PPP2R2B: variants seen among roughly 807,000 people sequenced by gnomAD.
The protein encoded by PPP2R2B is serine/threonine-protein phosphatase 2A 55 kDa regulatory subunit B beta isoform.
In PPP2R2B, 5 loss-of-function variants were observed where a neutral mutation model predicts 46.0. The observed-to-expected ratio is 0.11, with a 90% CI of 0.06 to 0.23. PPP2R2B has a LOEUF of 0.23. Ranked by LOEUF, PPP2R2B falls within the 10% of genes least tolerant of loss-of-function variation. PPP2R2B has a pLI of 1.00. For missense variants in PPP2R2B, 367 were observed against 575.0 expected (o/e 0.64, Z 3.70); for synonymous variants, 215 against 206.7 (o/e 1.04, Z -0.34).
At chr5:146,880,064 T>C (rs1762112555), upstream of PPP2R2B, among the ~76,000 whole-genome samples, 1 of 152,210 alleles carries the variant, frequency 6.6e-6, no homozygotes. Flanking sequence ...TGTCATTAGA[T>C]TTCCATGCAG....
intron 1 of PPP2R2B, among the ~76,000 whole-genome samples, chr5:146,914,036 T>C (rs968857798): frequency 6.6e-6 from 1 of 152,176 alleles, no homozygotes; most frequent in Non-Finnish European, 1.5e-5. Context: ...ACTATGTATA[T>C]ATGAAATCAC....
At chr5:146,633,501 A>G (rs952549568) in intron 7 of PPP2R2B, among the ~76,000 whole-genome samples, 6 of 152,268 alleles carry the variant, frequency 3.9e-5, no homozygotes, top group African/African-American at 1.4e-4. Context: ...TCGTAGCCGC[A>G]GCAGCTGAAC....
intron 7 of PPP2R2B, 69 bp downstream of exon 7, chr5:146,638,182 T>G (rs1157730222): frequency 6.6e-7 from 1 of 1,512,974 alleles, no homozygotes; most frequent in East Asian, 2.3e-5. Context: ...GATCATAAGC[T>G]TCCAGGCTCT....
intron 1 of PPP2R2B, among the ~76,000 whole-genome samples, chr5:146,884,637 A>G (rs1429692076): frequency 2.0e-5 from 3 of 152,192 alleles, no homozygotes; most frequent in African/African-American, 7.2e-5. Flanking sequence ...TACAAAACTC[A>G]AGAGTCTAGA....
chr5:146,644,261 A>AAAAAAG (rs1554118466), intron 6 of PPP2R2B, among the ~76,000 whole-genome samples: 6 of 76,098 alleles, frequency 7.9e-5, no homozygotes, highest in African/African-American at 2.3e-4. Flanking sequence ...AAAAAAAAAA[A>AAAAAAG]AAGAAGAAGA....
intron 1 of PPP2R2B, among the ~76,000 whole-genome samples, chr5:146,953,298 T>C (rs1464609204): frequency 1.3e-5 from 2 of 152,212 alleles, no homozygotes; most frequent in African/African-American, 4.8e-5. Flanking sequence ...GACATATTTA[T>C]ATTTGCAATT....
At chr5:146,740,711 T>G (rs1472576288) in intron 2 of PPP2R2B, among the ~76,000 whole-genome samples, 1 of 152,070 alleles carries the variant, frequency 6.6e-6, no homozygotes, top group African/African-American at 2.4e-5. Flanking sequence ...TCACACTGTC[T>G]GATTATTTTT....
chr5:146,843,313 T>C (rs1177010142), intron 2 of PPP2R2B, among the ~76,000 whole-genome samples: 1 of 152,232 alleles, frequency 6.6e-6, no homozygotes, highest in East Asian at 1.9e-4. Context: ...CTGAGCACTA[T>C]ACAAGGTGAA....
chr5:146,894,035 G>A (rs566704667), intron 1 of PPP2R2B, among the ~76,000 whole-genome samples: 1 of 152,258 alleles, frequency 6.6e-6, no homozygotes, highest in East Asian at 1.9e-4. Context: ...AATAGAGTGA[G>A]ACTCAGTCTC....
intron 1 of PPP2R2B, among the ~76,000 whole-genome samples, chr5:147,000,709 A>T (rs1348628219): frequency 4.9e-5 from 6 of 123,340 alleles, no homozygotes; most frequent in African/African-American, 2.1e-4. Context: ...CCAACCTAAT[A>T]CTTACTGATC....
chr5:147,029,791 G>A (rs1222214489), intron 1 of PPP2R2B, among the ~76,000 whole-genome samples: 1 of 152,188 alleles, frequency 6.6e-6, no homozygotes, highest in Admixed American at 6.5e-5. Flanking sequence ...GAAGCTGTCT[G>A]CAAGCCAAGA....
intron 2 of PPP2R2B, 71 bp from the exon 3 acceptor site, chr5:146,701,213 C>T (rs1312687155): frequency 1.6e-6 from 2 of 1,272,518 alleles, no homozygotes; most frequent in Admixed American, 1.7e-5. Flanking sequence ...AATAGATATA[C>T]TTTTCTGTGC....
At chr5:146,894,513 C>T (rs1184868870) in intron 1 of PPP2R2B, among the ~76,000 whole-genome samples, 1 of 152,184 alleles carries the variant, frequency 6.6e-6, no homozygotes. Context: ...AATCATGGCT[C>T]ACTGAAGCCT....
intron 1 of PPP2R2B, among the ~76,000 whole-genome samples, chr5:146,931,184 C>A (rs142844578): frequency 3.5e-4 from 54 of 152,188 alleles, no homozygotes; most frequent in African/African-American, 1.2e-3. Context: ...CAAGCCAGAA[C>A]CTTCCGCAAT....
At chr5:146,851,017 C>T (rs1035913962) in intron 2 of PPP2R2B, among the ~76,000 whole-genome samples, 1 of 152,128 alleles carries the variant, frequency 6.6e-6, no homozygotes, top group East Asian at 1.9e-4. Context: ...ATAAACATCA[C>T]TGCCAGGTTT....
At chr5:146,885,382 C>G (rs899254617) in intron 1 of PPP2R2B, among the ~76,000 whole-genome samples, 4 of 152,142 alleles carry the variant, frequency 2.6e-5, no homozygotes, top group Non-Finnish European at 5.9e-5. Flanking sequence ...AACAGAATCA[C>G]CTGGAGGTCT....
chr5:146,686,816 C>A (rs1028360694), intron 5 of PPP2R2B, among the ~76,000 whole-genome samples: 1 of 152,158 alleles, frequency 6.6e-6, no homozygotes. Flanking sequence ...CACCACCCAA[C>A]TTCCATTTCA....
intron 2 of PPP2R2B, among the ~76,000 whole-genome samples, chr5:146,857,190 A>G (rs1760725304): frequency 6.6e-6 from 1 of 152,176 alleles, no homozygotes. Context: ...TGCAATAGGA[A>G]CTATTCAGGA....
chr5:147,069,785 G>GTTTTTTTTGTTTTTT (rs1757523237), intron 2 of PPP2R2B, among the ~76,000 whole-genome samples: 1 of 64,786 alleles, frequency 1.5e-5, no homozygotes, highest in Non-Finnish European at 2.5e-5. Flanking sequence ...ATTTTATACT[G>GTTTTTTTTGTTTTTT]TTTTTTTTTT....
Sources: gnomAD v4.1 joint callset for allele counts (sites outside exome capture counted in the v4.1 genomes callset) on GRCh38, gnomAD v4.1.1 for gene constraint, MANE v1.5 for transcripts, NCBI Gene and HGNC (gene_info 2026-07-23, HGNC 2026-07-21) for gene names.